The following FAM135B variants were observed in gnomAD, a reference collection of about 807,000 sequenced individuals.
The protein encoded by FAM135B is family with sequence similarity 135 member B, also known as protein FAM135B.
FAM135B carries 43 observed loss-of-function variants against 127.7 expected under a neutral mutation model. That is an observed-to-expected ratio of 0.34 (90% CI 0.26 to 0.43). FAM135B has a LOEUF of 0.43. FAM135B is among the 20% of genes least tolerant of loss of function. The pLI is 1.00. For synonymous variants in FAM135B, 670 were observed against 665.1 expected (o/e 1.01, Z -0.11); for missense variants, 1,558 against 1,725.6 (o/e 0.90, Z 1.72).
chr8:138,457,838 G>A (rs918802429), intron 1 of FAM135B, among the ~76,000 whole-genome samples: 6 of 151,986 alleles, frequency 3.9e-5, no homozygotes, highest in Admixed American at 2.6e-4. Flanking sequence ...TTAGCCAGGC[G>A]CCCTGATGGG....
intron 12 of FAM135B, among the ~76,000 whole-genome samples, chr8:138,166,109 C>T (rs1819895058): frequency 6.6e-6 from 1 of 152,186 alleles, no homozygotes; most frequent in Non-Finnish European, 1.5e-5. Flanking sequence ...TTTAATAAGC[C>T]TTGTGATCTT....
At chr8:138,166,629 C>T (rs1008217419) in intron 12 of FAM135B, among the ~76,000 whole-genome samples, 3 of 152,180 alleles carry the variant, frequency 2.0e-5, no homozygotes, top group Non-Finnish European at 4.4e-5. Context: ...TGGCATATTT[C>T]TGATCCCCAA....
intron 7 of FAM135B, among the ~76,000 whole-genome samples, chr8:138,221,484 C>T (rs556519876): frequency 2.0e-5 from 3 of 152,112 alleles, no homozygotes; most frequent in South Asian, 2.1e-4. Flanking sequence ...GGTGAGGACA[C>T]GGATTCAAAC....
chr8:138,388,201 C>T (rs1438957285), intron 1 of FAM135B, among the ~76,000 whole-genome samples: 1 of 152,180 alleles, frequency 6.6e-6, no homozygotes, highest in Non-Finnish European at 1.5e-5. Context: ...TGAGACCCCA[C>T]TACATGTCGA....
At chr8:138,223,874 T>G (rs1456805707) in intron 7 of FAM135B, among the ~76,000 whole-genome samples, 1 of 152,166 alleles carries the variant, frequency 6.6e-6, no homozygotes, top group Non-Finnish European at 1.5e-5. Flanking sequence ...CACAAAATTA[T>G]TTTCTTTGCA....
At chr8:138,338,896 G>A (rs374372212) in intron 2 of FAM135B, among the ~76,000 whole-genome samples, 1 of 152,050 alleles carries the variant, frequency 6.6e-6, no homozygotes, top group East Asian at 1.9e-4. Context: ...TTAAGAAAAT[G>A]TGGCACATAT....
intron 1 of FAM135B, among the ~76,000 whole-genome samples, chr8:138,435,401 T>G (rs1433452024): frequency 1.3e-5 from 2 of 152,186 alleles, no homozygotes; most frequent in African/African-American, 4.8e-5. Flanking sequence ...ATGGTGAAGC[T>G]TGGAGTGTTA....
intron 15 of FAM135B, among the ~76,000 whole-genome samples, chr8:138,143,570 G>A (rs768670121): frequency 1.1e-4 from 16 of 152,142 alleles, no homozygotes; most frequent in Admixed American, 7.2e-4. Context: ...GGGAAGGATC[G>A]TAAAGTCACC....
At chr8:138,276,879 C>A (rs2130714316) in intron 3 of FAM135B, among the ~76,000 whole-genome samples, 1 of 152,314 alleles carries the variant, frequency 6.6e-6, no homozygotes, top group Non-Finnish European at 1.5e-5. Flanking sequence ...TGTAAATCCT[C>A]TAGCTATGAA....
intron 3 of FAM135B, among the ~76,000 whole-genome samples, chr8:138,289,538 C>T (rs1208881643): frequency 6.6e-6 from 1 of 152,208 alleles, no homozygotes; most frequent in African/African-American, 2.4e-5. Context: ...AGGAGACCCG[C>T]TTAGCGCAAG....
chr8:138,147,831 TGA>T (rs1361049265), intron 14 of FAM135B, among the ~76,000 whole-genome samples: 1 of 152,198 alleles, frequency 6.6e-6, no homozygotes, highest in East Asian at 1.9e-4. Flanking sequence ...ACAAAGTTAT[TGA>T]GAGTCTTATC....
intron 3 of FAM135B, among the ~76,000 whole-genome samples, chr8:138,293,323 T>C (rs572812616): frequency 3.3e-4 from 51 of 152,242 alleles, no homozygotes; most frequent in Middle Eastern, 3.4e-3. Context: ...GGAAAAACTC[T>C]TCTGGACATT....
chr8:138,372,493 T>A (rs573978941), intron 1 of FAM135B, among the ~76,000 whole-genome samples: 5 of 152,116 alleles, frequency 3.3e-5, no homozygotes, highest in African/African-American at 1.2e-4. Context: ...GCAATATACA[T>A]ACAGGCTCCA....
chr8:138,405,031 TTG>T (rs1833381682), intron 1 of FAM135B, among the ~76,000 whole-genome samples: 1 of 152,142 alleles, frequency 6.6e-6, no homozygotes, highest in African/African-American at 2.4e-5. Flanking sequence ...TCACTACCTA[TTG>T]CAGCTATAGC....
chr8:138,433,322 G>A (rs1835293933), intron 1 of FAM135B, among the ~76,000 whole-genome samples: 1 of 151,910 alleles, frequency 6.6e-6, no homozygotes, highest in South Asian at 2.1e-4. Context: ...AGGAGTTCAA[G>A]ACCAGCCTGA....
chr8:138,313,283 C>G (rs1012125608), intron 2 of FAM135B, among the ~76,000 whole-genome samples: 1 of 152,094 alleles, frequency 6.6e-6, no homozygotes, highest in Admixed American at 6.5e-5. Flanking sequence ...AGGTACCCAC[C>G]ACCATTCCCA....
intron 1 of FAM135B, among the ~76,000 whole-genome samples, chr8:138,398,429 T>C (rs1026986637): frequency 5.3e-5 from 8 of 152,196 alleles, no homozygotes; most frequent in African/African-American, 1.9e-4. Context: ...CTTATTACCT[T>C]CCTTTCCCAC....
At chr8:138,239,693 T>C (rs900341152) in intron 7 of FAM135B, among the ~76,000 whole-genome samples, 24 of 152,276 alleles carry the variant, frequency 1.6e-4, no homozygotes, top group Admixed American at 3.3e-4. Context: ...TAAAGACACA[T>C]GCACATGTAT....
At chr8:138,297,122 T>C (rs1054877294) in intron 3 of FAM135B, among the ~76,000 whole-genome samples, 3 of 152,152 alleles carry the variant, frequency 2.0e-5, no homozygotes, top group African/African-American at 7.2e-5. Flanking sequence ...TGTCACGTGA[T>C]CAGACGTATG....
Sources: allele counts gnomAD v4.1 joint callset (sites outside exome capture counted in the v4.1 genomes callset), GRCh38; gene constraint gnomAD v4.1.1; transcripts MANE v1.5; gene names NCBI Gene and HGNC (gene_info 2026-07-23, HGNC 2026-07-21).